The following AGBL1 variants were observed in gnomAD, a reference collection of about 807,000 sequenced individuals.
AGBL1 encodes AGBL carboxypeptidase 1, also known as cytosolic carboxypeptidase 4.
AGBL1 carries 130 observed loss-of-function variants against 118.9 expected under a neutral mutation model. The observed-to-expected ratio is 1.09, with a 90% CI of 0.95 to 1.26. The LOEUF (loss-of-function observed/expected upper bound fraction) is 1.26. Ranked by LOEUF, AGBL1 falls within the 50% of genes most tolerant of loss-of-function variation. The probability of loss-of-function intolerance (pLI) is 0.00; values close to 1 mark genes in which losing one functional copy is unlikely to be tolerated. For missense variants in AGBL1, 1,584 were observed against 1,298.1 expected, an observed-to-expected ratio of 1.22 and a Z score of -3.38; for synonymous variants, 555 against 478.9, an observed-to-expected ratio of 1.16 and a Z score of -2.08.
intron 22 of AGBL1, among the ~76,000 whole-genome samples, chr15:86,758,515 G>A (rs565271611): frequency 6.6e-5 from 10 of 152,090 alleles, no homozygotes; most frequent in Non-Finnish European, 1.5e-4. Context: ...TAGAGGCCAA[G>A]TCTGCTTTTG....
intron 4 of AGBL1, among the ~76,000 whole-genome samples, chr15:86,156,785 CT>C (rs10644257): frequency 4.7e-5 from 6 of 128,690 alleles, no homozygotes; most frequent in South Asian, 2.7e-4. Context: ...TTTCTTTTTT[CT>C]TTTCTTTCTT....
chr15:86,849,233 C>T (rs372551569), intron 22 of AGBL1, among the ~76,000 whole-genome samples: 5 of 152,326 alleles, frequency 3.3e-5, no homozygotes, highest in South Asian at 2.1e-4. Flanking sequence ...TGCATGGTTT[C>T]AGTTTATGCA....
rs925060775 is a variant in AGBL1 at position 86,857,428 on chromosome 15, C to T, written c.3159-49659C>T. Among the ~76,000 whole-genome samples, 3 of 152,310 alleles carry T rather than the reference C, an allele frequency of 2.0e-5. 1 individual carries two copies. ...CACATCCATGCCTCCTTGCTCCAGCCATGTGGCCTTCTTTCATCTGTTTTC... is the reference window on the plus strand; with the variant it reads ...CACATCCATGCCTCCTTGCTCCAGCTATGTGGCCTTCTTTCATCTGTTTTC... On this transcript the variant is annotated intron_variant, in intron 22 of 22. Transcript: ENST00000614907.
intron 17 of AGBL1, among the ~76,000 whole-genome samples, chr15:86,316,223 A>T (rs1441169903): frequency 6.6e-6 from 1 of 152,192 alleles, no homozygotes; most frequent in Non-Finnish European, 1.5e-5. Context: ...GTCCTATCTT[A>T]ATGACTGAAA....
chr15:86,437,256 C>T (rs941019302), intron 18 of AGBL1, among the ~76,000 whole-genome samples: 2 of 152,144 alleles, frequency 1.3e-5, no homozygotes, highest in African/African-American at 4.8e-5. Context: ...GTGACCAAAA[C>T]TCCCCTCTCC....
At chr15:86,087,392 G>A (rs956929307) in intron 1 of AGBL1, among the ~76,000 whole-genome samples, 29 of 149,898 alleles carry the variant, frequency 1.9e-4, no homozygotes, top group African/African-American at 6.4e-4. Context: ...GCAGTGGCAC[G>A]ATCTCGGCTC....
Position 86,773,775 on chromosome 15 carries a change from T to C in AGBL1, c.3158+99339T>C, listed in dbSNP as rs181481850. Among the ~76,000 whole-genome samples, 543 of 152,004 alleles carry C rather than the reference T, an allele frequency of 3.6e-3. 1 individual carries two copies. The highest frequency in any genetic ancestry group is 0.01 in the South Asian group (50 of 4,814). On this transcript the variant is annotated intron_variant, in intron 22 of 22. Coordinates refer to ENST00000614907, the MANE Select transcript of AGBL1 (RefSeq NM_001386094.1). ...CCACCTACCACTAGTTGGCTCTGTATCCACTGAAAAAGAAAAAAGCAGAGC... is the reference window on the plus strand; with the variant it reads ...CCACCTACCACTAGTTGGCTCTGTACCCACTGAAAAAGAAAAAAGCAGAGC...
rs905075486 is a variant in AGBL1, at chr15:86,526,542, GTGTATATATATATATA to G, written c.2685+3605_2685+3620del. Among the ~76,000 whole-genome samples, 148 of 41,464 alleles carry G rather than the reference GTGTATATATATATATA, an allele frequency of 3.6e-3. 1 individual carries two copies. The highest frequency in any genetic ancestry group is 9.1e-3 in the African/African-American group (141 of 15,542). 27.2% of individuals were successfully genotyped at this position (41,464 alleles called of 152,430 possible). A position where few individuals can be genotyped will look rare whatever the true frequency, so the allele number is the denominator to read the frequency against. On this transcript the variant is annotated intron_variant, in intron 19 of 22. Coordinates refer to ENST00000614907, the MANE Select transcript of AGBL1 (RefSeq NM_001386094.1). ...TATGCACACAGATATGTTTGTGTCT[GTGTATATATATATATA>G]TATATATATATATATACACACAGAG...
intron 20 of AGBL1, among the ~76,000 whole-genome samples, chr15:86,550,497 A>T (rs1300212886): frequency 3.9e-5 from 6 of 152,184 alleles, no homozygotes; most frequent in Non-Finnish European, 8.8e-5. Flanking sequence ...AAGACAAAAT[A>T]TACATTAAAA....
At chr15:87,028,328 A>G (rs1379387433) in intron 24 of AGBL1, among the ~76,000 whole-genome samples, 2 of 151,970 alleles carry the variant, frequency 1.3e-5, no homozygotes, top group Non-Finnish European at 2.9e-5. Context: ...TTGTATCTGT[A>G]TCAAAATAGG....
At chr15:86,436,983 C>T (rs975258469) in intron 18 of AGBL1, among the ~76,000 whole-genome samples, 11 of 150,784 alleles carry the variant, frequency 7.3e-5, no homozygotes, top group East Asian at 2.0e-4. Context: ...ATTGTGCAGA[C>T]GGATTTGAGC....
chr15:86,473,416 A>G (rs1342172555), intron 18 of AGBL1, among the ~76,000 whole-genome samples: 1 of 152,242 alleles, frequency 6.6e-6, no homozygotes, highest in Non-Finnish European at 1.5e-5. Flanking sequence ...AATACAAATT[A>G]AAGTAAAAAA....
At chr15:86,131,981 A>G (rs775340243) in intron 1 of AGBL1, among the ~76,000 whole-genome samples, 3 of 151,772 alleles carry the variant, frequency 2.0e-5, no homozygotes, top group Admixed American at 2.0e-4. Flanking sequence ...CGTTGTCTAC[A>G]TGGGATGCCA....
intron 5 of AGBL1, among the ~76,000 whole-genome samples, chr15:86,204,656 C>A (rs145876170): frequency 0.037 from 5,630 of 152,272 alleles, 206 homozygotes; most frequent in South Asian, 0.12. Context: ...GTGGTGCAAT[C>A]TTGGCTCACT....
rs757649828 is a variant in AGBL1, at chr15:86,264,604, T to TGAG, written c.1434_1436dup (p.Met478_Ser479insArg). ...GTAGATGCAATTTTCTGCCCAAGGATGAGTGCCTCCTTTTCTAATTCCACT... is the reference window on the plus strand; with the variant it reads ...GTAGATGCAATTTTCTGCCCAAGGATGAGGAGTGCCTCCTTTTCTAATTCCACT... On this transcript the variant is annotated inframe_insertion, in exon 11 of 23. Coordinates refer to ENST00000614907, the MANE Select transcript of AGBL1 (RefSeq NM_001386094.1). 30 of 1,613,842 alleles carry TGAG rather than the reference T, an allele frequency of 1.9e-5. No homozygotes were observed. The East Asian group carries it at 6.7e-4, about 36-fold the overall frequency.
At chr15:86,389,582 G>A (rs1287469816) in intron 17 of AGBL1, among the ~76,000 whole-genome samples, 1 of 152,094 alleles carries the variant, frequency 6.6e-6, no homozygotes, top group African/African-American at 2.4e-5. Flanking sequence ...GATGCAGCAA[G>A]GAGTGAGGAG....
At chr15:86,249,323 G>T (rs748687974) in intron 7 of AGBL1, among the ~76,000 whole-genome samples, 2 of 152,082 alleles carry the variant, frequency 1.3e-5, no homozygotes, top group Non-Finnish European at 2.9e-5. Flanking sequence ...TACATCTGAG[G>T]TAATGAAGCC....
chr15:86,835,397 C>T (rs1017120160), intron 22 of AGBL1, among the ~76,000 whole-genome samples: 1 of 151,930 alleles, frequency 6.6e-6, no homozygotes, highest in South Asian at 2.1e-4. Context: ...TTAACGGAGT[C>T]CTGAACTATA....
At chr15:86,935,801 T>C (rs1473773099) in intron 23 of AGBL1, among the ~76,000 whole-genome samples, 2 of 152,138 alleles carry the variant, frequency 1.3e-5, no homozygotes, top group East Asian at 1.9e-4. Context: ...AAGGTGACAA[T>C]TGTATGTGGG....
Sources: gnomAD v4.1 joint callset for allele counts (sites outside exome capture counted in the v4.1 genomes callset) on GRCh38, gnomAD v4.1.1 for gene constraint, MANE v1.5 for transcripts, NCBI Gene and HGNC (gene_info 2026-07-23, HGNC 2026-07-21) for gene names.